The following SDK2 variants were observed in gnomAD, a reference collection of about 807,000 sequenced individuals.
The protein encoded by SDK2 is sidekick cell adhesion molecule 2.
SDK2 carries 105 observed loss-of-function variants against 253.9 expected under a neutral mutation model. The observed-to-expected ratio is 0.41, with a 90% confidence interval of 0.35 to 0.49. The LOEUF (loss-of-function observed/expected upper bound fraction) is 0.49, where lower values mean the gene tolerates loss of function less well. Ranked by LOEUF, SDK2 falls within the 20% of genes least tolerant of loss-of-function variation. SDK2 has a pLI of 0.06. For synonymous variants in SDK2, 1,249 were observed against 1,234.9 expected, an observed-to-expected ratio of 1.01 and a Z score of -0.24; for missense variants, 2,608 against 3,003.0, an observed-to-expected ratio of 0.87 and a Z score of 3.07.
intron 2 of SDK2, among the ~76,000 whole-genome samples, chr17:73,506,180 A>C (rs2063934536): frequency 1.3e-5 from 2 of 152,196 alleles, no homozygotes; most frequent in Non-Finnish European, 2.9e-5. Context: ...CTTCACAGAG[A>C]CGGTCACAAC....
intron 39 of SDK2, among the ~76,000 whole-genome samples, chr17:73,360,432 G>C (rs1385390513): frequency 6.6e-6 from 1 of 152,208 alleles, no homozygotes; most frequent in Non-Finnish European, 1.5e-5. Flanking sequence ...TGGCTGAAGG[G>C]GGTGGGCAGA....
chr17:73,382,820 G>A (rs1171262746), intron 33 of SDK2, among the ~76,000 whole-genome samples: 1 of 152,146 alleles, frequency 6.6e-6, no homozygotes, highest in Non-Finnish European at 1.5e-5. Flanking sequence ...TGGCCGACAT[G>A]GTGAAACCCC....
chr17:73,512,550 T>TACAC lies in SDK2; in HGVS notation c.65-4957_65-4954dup, dbSNP rs144659441. 5.0e-3 allele frequency among the ~76,000 whole-genome samples: 738 copies of TACAC among 148,968 alleles called. 3 individuals carry two copies. The highest frequency in any genetic ancestry group is 0.03 in the East Asian group (155 of 5,088). The stretch of plus-strand genomic sequence containing the variant: ...TTTCTTCACCTCAAACACACACACA[T>TACAC]ACACACACACACACACACACACATA... On this transcript the variant is annotated intron_variant, in intron 1 of 44. Coordinates refer to ENST00000392650, the MANE Select transcript of SDK2 (RefSeq NM_001144952.2).
At chr17:73,474,489 A>G (rs562092382) in intron 2 of SDK2, among the ~76,000 whole-genome samples, 90 of 152,348 alleles carry the variant, frequency 5.9e-4, no homozygotes, top group African/African-American at 1.8e-3. Flanking sequence ...ACAACTGGCC[A>G]CGTGCCAAGT....
At chr17:73,566,012 C>T (rs548242042) in intron 1 of SDK2, among the ~76,000 whole-genome samples, 6 of 152,220 alleles carry the variant, frequency 3.9e-5, no homozygotes, top group African/African-American at 7.2e-5. Flanking sequence ...TTAGTAGAGA[C>T]GGGTTTCACC....
chr17:73,430,633 C>T lies in SDK2; in HGVS notation c.1481-20G>A. ...TCCGAGCTGAAAGATACAGCGGAGA[C>T]AGCATGGTGAGAAGAGGTGTGGGGG... On this transcript the variant is annotated intron_variant, in intron 11 of 44. Transcript: ENST00000392650. 3 of 1,497,720 alleles carry T rather than the reference C, an allele frequency of 2.0e-6. No homozygotes were observed. The highest frequency in any genetic ancestry group is 2.7e-6 in the Non-Finnish European group (3 of 1,115,378). 92.8% of individuals were successfully genotyped at this position (1,497,720 alleles called of 1,614,324 possible).
chr17:73,562,636 A>G (rs565425528), intron 1 of SDK2, among the ~76,000 whole-genome samples: 1 of 152,212 alleles, frequency 6.6e-6, no homozygotes, highest in African/African-American at 2.4e-5. Context: ...GCTGCCGGAC[A>G]AGGATGAGGA....
Position 73,358,174 on chromosome 17 carries a change from A to G in SDK2, c.5498T>C (p.Ile1833Thr), listed in dbSNP as rs1599481050. The G allele has an allele frequency of 6.2e-7, 1 of 1,609,056 alleles. No individual in the cohort carries two copies. The highest frequency in any genetic ancestry group is 2.2e-5 in the East Asian group (1 of 44,794). The change falls in exon 40 of 45, where the codon ATC (isoleucine) becomes ACC (threonine). Residue 1833 changes from isoleucine to threonine, a missense_variant. Ile to Thr is a moderately conservative substitution (Grantham distance 89). Coordinates refer to ENST00000392650, the MANE Select transcript of SDK2 (RefSeq NM_001144952.2). ...GGCGATGGCAGAGCTGTACCGCACG[A>G]TGATGGGCACGCCAGGCGGTCCTGG... The part of the protein sequence containing the change: ...GAPGPPGVPI[I>T]VRYSSAIAIH...
At chr17:73,500,465 A>G (rs57092434) in intron 2 of SDK2, among the ~76,000 whole-genome samples, 97,904 of 133,872 alleles carry the variant, frequency 0.73, 34,777 homozygotes, top group African/African-American at 0.76. Context: ...TCCATCCTCC[A>G]TCCATCCTCC....
chr17:73,437,904 G>A (rs2063382522), intron 7 of SDK2, 60 bp downstream of exon 7: 3 of 1,595,690 alleles, frequency 1.9e-6, no homozygotes, highest in Admixed American at 3.5e-5. Flanking sequence ...CCTTAAGGAG[G>A]ACCCTCGCCG....
At chr17:73,414,899 G>A (rs1218837518) in intron 17 of SDK2, 140 bp from the exon 18 acceptor site, 7 of 612,164 alleles carry the variant, frequency 1.1e-5, no homozygotes, top group Non-Finnish European at 2.0e-5. Context: ...CTCCCTCGCT[G>A]TGTAGACTTA....
rs921677763 is a variant in SDK2, at chr17:73,395,997, A to G, written c.3355-605T>C. On this transcript the variant is annotated intron_variant, in intron 24 of 44. Coordinates refer to ENST00000392650, the MANE Select transcript of SDK2 (RefSeq NM_001144952.2). The surrounding 1 kb of genome is among the most constrained non-coding windows in gnomAD (Gnocchi z 4.3). ...CATGGTGCTGTCTCAGCTCACTGCAACCTCTACCTCCTGGGCTCAAGCAAT... is the reference window on the plus strand; with the variant it reads ...CATGGTGCTGTCTCAGCTCACTGCAGCCTCTACCTCCTGGGCTCAAGCAAT... Among the ~76,000 whole-genome samples the G allele has an allele frequency of 2.0e-5, 3 of 151,534 alleles. No homozygotes were observed. The highest frequency in any genetic ancestry group is 6.6e-5 in the Admixed American group (1 of 15,220).
intron 4 of SDK2, among the ~76,000 whole-genome samples, chr17:73,451,974 G>A (rs1358583629): frequency 1.3e-5 from 2 of 152,060 alleles, no homozygotes; most frequent in Non-Finnish European, 2.9e-5. Flanking sequence ...ACACCCCCTG[G>A]TTTCAATGTA....
chr17:73,441,047 C>A, intron 5 of SDK2, 124 bp from the exon 6 acceptor site: 1 of 695,562 alleles, frequency 1.4e-6, no homozygotes, highest in Non-Finnish European at 2.4e-6. Flanking sequence ...GCCATGGGGG[C>A]AGCCCCAGAG....
In SDK2 at chr17:73,361,423, C is replaced by T. The variant is rs1279257322; in HGVS notation, c.5467+261G>A. ...AGCAGGCGCAGTGGCCAGGCCAGGC[C>T]TGTGGGCTGGGCCTAAGTGGGAGAG... On this transcript the variant is annotated intron_variant, in intron 39 of 44. Coordinates refer to ENST00000392650, the MANE Select transcript of SDK2 (RefSeq NM_001144952.2). This position sits in a 1 kb window ranked among gnomAD's most constrained non-coding sequence, Gnocchi z 4.1. 1.3e-5 allele frequency among the ~76,000 whole-genome samples: 2 copies of T among 152,194 alleles called. No homozygotes were observed. Among genetic ancestry groups the T allele is most frequent in the African/African-American group, 2.4e-5 (1 of 41,448 alleles).
intron 12 of SDK2, among the ~76,000 whole-genome samples, chr17:73,428,182 C>T (rs1272160709): frequency 1.3e-5 from 2 of 152,220 alleles, no homozygotes; most frequent in East Asian, 3.9e-4. Flanking sequence ...TCCAGCTGGG[C>T]ACAGTGGCTC....
In SDK2 at chr17:73,644,001, C is replaced by T; in HGVS notation, c.64+24G>A. 1 of 1,154,526 alleles carries T rather than the reference C, an allele frequency of 8.7e-7. No individual in the cohort carries two copies. The highest frequency in any genetic ancestry group is 3.8e-5 in the East Asian group (1 of 26,610). The allele number at this position is 1,154,526 out of a possible 1,614,324, so 71.5% of individuals were successfully genotyped here. ...CCCACTCTCCCAGCCCCCTCCCTGT[C>T]CCCACGTGGGGGTCCCTCCTTACCT... On this transcript the variant is annotated intron_variant, in intron 1 of 44. Coordinates refer to ENST00000392650, the MANE Select transcript of SDK2 (RefSeq NM_001144952.2). This position sits in a 1 kb window ranked among gnomAD's most constrained non-coding sequence, Gnocchi z 6.3.
chr17:73,577,117 A>G (rs2045468263), intron 1 of SDK2, among the ~76,000 whole-genome samples: 1 of 152,270 alleles, frequency 6.6e-6, no homozygotes, highest in African/African-American at 2.4e-5. Flanking sequence ...GTAGACCCCA[A>G]AGAGCCTTGG....
rs1357222694 is a variant in SDK2, at chr17:73,629,406, G to A, written c.64+14619C>T. Among the ~76,000 whole-genome samples, 1 of 152,196 alleles carries A rather than the reference G, an allele frequency of 6.6e-6. No individual in the cohort carries two copies. Among genetic ancestry groups the A allele is most frequent in the East Asian group, 1.9e-4 (1 of 5,192 alleles). Reference sequence around the variant, plus strand: ...TATGAGATGGTTGCTGCCCAGGAATGCAAGTGACCCTGAGTGTAAGCACCT... The same window carrying A: ...TATGAGATGGTTGCTGCCCAGGAATACAAGTGACCCTGAGTGTAAGCACCT... On this transcript the variant is annotated intron_variant, in intron 1 of 44. Transcript: ENST00000392650. The surrounding 1 kb of genome is among the most constrained non-coding windows in gnomAD (Gnocchi z 5.0).
Sources: gnomAD v4.1 joint callset for allele counts (sites outside exome capture counted in the v4.1 genomes callset) on GRCh38, gnomAD v4.1.1 for gene constraint, Gnocchi (gnomAD v3.1) non-coding constraint, MANE v1.5 for transcripts, NCBI Gene and HGNC (gene_info 2026-07-23, HGNC 2026-07-21) for gene names.